TMEM255A: variants seen among roughly 807,000 people sequenced by gnomAD.
TMEM255A encodes transmembrane protein 255A.
In TMEM255A, 14 loss-of-function variants were observed where a neutral mutation model predicts 23.5. That is an observed-to-expected ratio of 0.60 (90% CI 0.39 to 0.93). The LOEUF (loss-of-function observed/expected upper bound fraction) is 0.93, where lower values mean the gene tolerates loss of function less well. TMEM255A is among the 40% of genes least tolerant of loss of function. TMEM255A has a pLI of 0.00. For synonymous variants in TMEM255A, 104 were observed against 100.3 expected (o/e 1.04, Z -0.22); for missense variants, 233 against 261.7 (o/e 0.89, Z 0.76).
chrX:120,256,810 A>T (rs5910810), downstream of TMEM255A: 3,267 of 120,665 alleles, frequency 0.027, 45 homozygotes, highest in Middle Eastern at 0.071. Context: ...TTTGCAAAGG[A>T]AAAAATTGAT....
intron 2 of TMEM255A, among the ~76,000 whole-genome samples, chrX:120,296,445 A>G (rs868929193): frequency 2.7e-5 from 1 of 37,439 alleles, no homozygotes; most frequent in Admixed American, 3.2e-4. Context: ...TTCCACTCCA[A>G]TGCATTCAGT....
intron 6 of TMEM255A, among the ~76,000 whole-genome samples, chrX:120,284,227 G>A (rs782692808): frequency 1.8e-5 from 2 of 111,998 alleles, no homozygotes; most frequent in African/African-American, 6.5e-5. Context: ...TAGTCTACGA[G>A]CTCTTCAGTG....
At chrX:120,274,073 C>T (rs1556019293) in intron 7 of TMEM255A, among the ~76,000 whole-genome samples, 2 of 111,679 alleles carry the variant, frequency 1.8e-5, no homozygotes, top group Non-Finnish European at 3.8e-5. Flanking sequence ...ATTATTCAGC[C>T]ATAAAAAGAA....
intron 7 of TMEM255A, among the ~76,000 whole-genome samples, chrX:120,274,446 G>A (rs1556019381): frequency 8.9e-6 from 1 of 111,857 alleles, no homozygotes; most frequent in Non-Finnish European, 1.9e-5. Flanking sequence ...GGGGGACAGT[G>A]AGGGAAAACG....
chrX:120,252,960 C>T, the TMEM255A span, among the ~76,000 whole-genome samples: 3 of 111,898 alleles, frequency 2.7e-5, no homozygotes, highest in Admixed American at 2.8e-4. Context: ...GTATTGCACG[C>T]GCTGAGCTTT....
At chrX:120,307,439 T>TA (rs1374910176) in intron 1 of TMEM255A, among the ~76,000 whole-genome samples, 2 of 111,946 alleles carry the variant, frequency 1.8e-5, no homozygotes, top group East Asian at 2.8e-4. Context: ...AAGTGACACG[T>TA]AAAAAAACTC....
intron 1 of TMEM255A, 126 bp downstream of exon 1, chrX:120,311,126 A>G: frequency 1.6e-6 from 1 of 624,576 alleles, no homozygotes; most frequent in Non-Finnish European, 2.5e-6. Flanking sequence ...TGGGGCGCGA[A>G]GACCACCCCA....
intron 2 of TMEM255A, among the ~76,000 whole-genome samples, chrX:120,300,839 C>T (rs931790065): frequency 6.4e-5 from 7 of 109,285 alleles, no homozygotes; most frequent in Admixed American, 5.9e-4. Flanking sequence ...CTCATCCTGT[C>T]GAGTAGCTGG....
chrX:120,285,269 C>G lies in TMEM255A; in HGVS notation c.424-54G>C, dbSNP rs1603401963. The G allele has an allele frequency of 2.9e-6, 3 of 1,031,718 alleles. No individual in the cohort carries two copies. In the East Asian group the frequency reaches 9.1e-5, roughly 31 times the overall value. 85.0% of individuals were successfully genotyped at this position (1,031,718 alleles called of 1,213,427 possible). A position where few individuals can be genotyped will look rare whatever the true frequency, so the allele number is the denominator to read the frequency against. ...GCTGGCATTGGATAGGAAGCAGGAC[C>G]CTCTGGGATTGGAAATGCGAGTTAG... On this transcript the variant is annotated intron_variant, in intron 5 of 8. Coordinates refer to ENST00000371369, the MANE Select transcript of TMEM255A (RefSeq NM_001104544.3).
intron 6 of TMEM255A, among the ~76,000 whole-genome samples, chrX:120,278,755 A>T (rs1398017014): frequency 8.9e-6 from 1 of 112,706 alleles, no homozygotes; most frequent in Non-Finnish European, 1.9e-5. Context: ...AAAATGAATC[A>T]GAGAGGGACT....
chrX:120,284,914 C>T (rs954009938), intron 6 of TMEM255A, among the ~76,000 whole-genome samples: 1 of 112,281 alleles, frequency 8.9e-6, no homozygotes, highest in Non-Finnish European at 1.9e-5. Flanking sequence ...CTGCATACAT[C>T]ATAAGTAAGA....
chrX:120,275,961 TA>T (rs1339868069), intron 7 of TMEM255A, among the ~76,000 whole-genome samples: 2 of 108,617 alleles, frequency 1.8e-5, no homozygotes, highest in Admixed American at 9.9e-5. Flanking sequence ...CCCAGCTAAT[TA>T]AAAAAAGTTG....
At chrX:120,254,388 A>G, downstream of TMEM255A, 1 of 1,211,572 alleles carries the variant, frequency 8.3e-7, no homozygotes, top group East Asian at 3.0e-5. Flanking sequence ...AACAGGAAAC[A>G]AGGCCAATGA....
At chrX:120,294,428 C>T (rs1448621381) in intron 2 of TMEM255A, among the ~76,000 whole-genome samples, 9 of 98,401 alleles carry the variant, frequency 9.1e-5, no homozygotes, top group Non-Finnish European at 1.4e-4. Flanking sequence ...AGCGAGACTC[C>T]GTCTCAAAAA....
At chrX:120,311,180 G>A in intron 1 of TMEM255A, 72 bp downstream of exon 1, 1 of 947,053 alleles carries the variant, frequency 1.1e-6, no homozygotes, top group Non-Finnish European at 1.5e-6. Flanking sequence ...GGCAGCTGGG[G>A]CGTTCACAGT....
At chrX:120,263,140 A>G (rs782264569) in intron 8 of TMEM255A, among the ~76,000 whole-genome samples, 2 of 111,526 alleles carry the variant, frequency 1.8e-5, no homozygotes, top group African/African-American at 3.3e-5. Context: ...TTAGCGGGGG[A>G]AAAGGCCCAT....
intron 4 of TMEM255A, among the ~76,000 whole-genome samples, chrX:120,290,433 GA>G (rs1254809969): frequency 1.2e-5 from 1 of 86,704 alleles, no homozygotes; most frequent in African/African-American, 5.0e-5. Context: ...AAGTCACATT[GA>G]AAAGCTAAAT....
chrX:120,286,368 G>A (rs1386744086), intron 5 of TMEM255A, among the ~76,000 whole-genome samples: 1 of 112,150 alleles, frequency 8.9e-6, no homozygotes, highest in Non-Finnish European at 1.9e-5. Context: ...TTCAATGTGA[G>A]GTTAATAGAG....
At chrX:120,303,470 T>G (rs986214316) in intron 2 of TMEM255A, among the ~76,000 whole-genome samples, 7 of 111,309 alleles carry the variant, frequency 6.3e-5, no homozygotes, top group Non-Finnish European at 1.1e-4. Flanking sequence ...AAAAGATTCC[T>G]CTTGAGAAAC....
Sources: gnomAD v4.1 joint callset for allele counts (sites outside exome capture counted in the v4.1 genomes callset) on GRCh38, gnomAD v4.1.1 for gene constraint, MANE v1.5 for transcripts, NCBI Gene and HGNC (gene_info 2026-07-23, HGNC 2026-07-21) for gene names.